The following NCOA7 variants were observed in gnomAD, a reference collection of about 807,000 sequenced individuals.
The protein encoded by NCOA7 is 140 kDa estrogen receptor-associated protein.
A neutral mutation model predicts 104.3 loss-of-function variants in NCOA7; 45 were observed. The ratio of observed to expected loss-of-function variants is 0.43; its 90% confidence interval spans 0.34 to 0.55. The LOEUF (loss-of-function observed/expected upper bound fraction) is 0.55. Among genes scored for constraint, NCOA7 ranks in the 20% least tolerant of loss-of-function variants. The pLI is 0.02. For missense variants in NCOA7, 1,041 were observed against 1,119.7 expected (o/e 0.93, Z 1.00); for synonymous variants, 398 against 402.3 (o/e 0.99, Z 0.13).
intron 1 of NCOA7, among the ~76,000 whole-genome samples, chr6:125,782,923 G>A (rs1777207): frequency 0.15 from 22,369 of 152,136 alleles, 2,556 homozygotes; most frequent in African/African-American, 0.32. Flanking sequence ...ATGGGCCCCA[G>A]TCATCACAAG....
intron 10 of NCOA7, among the ~76,000 whole-genome samples, chr6:125,906,871 T>C (rs1786058204): frequency 6.6e-6 from 1 of 152,022 alleles, no homozygotes; most frequent in African/African-American, 2.4e-5. Flanking sequence ...TTAGGTTAAA[T>C]AAACAAGGCA....
intron 12 of NCOA7, among the ~76,000 whole-genome samples, chr6:125,922,277 G>T (rs1787654413): frequency 6.6e-6 from 1 of 152,216 alleles, no homozygotes. Flanking sequence ...GTGCAAAGCT[G>T]CAGCTCTCAG....
intron 3 of NCOA7, among the ~76,000 whole-genome samples, chr6:125,871,672 C>T (rs1562951095): frequency 6.6e-6 from 1 of 152,116 alleles, no homozygotes; most frequent in Non-Finnish European, 1.5e-5. Flanking sequence ...CAGGCTTATT[C>T]ATCTGTACTG....
At chr6:125,907,729 G>A (rs978860695) in intron 10 of NCOA7, among the ~76,000 whole-genome samples, 1 of 152,080 alleles carries the variant, frequency 6.6e-6, no homozygotes, top group African/African-American at 2.4e-5. Context: ...GGGTGTTTGG[G>A]CACATTATTG....
rs150037010 is a variant in NCOA7, at chr6:125,795,285, G to C, written c.-65+4218G>C. Among the ~76,000 whole-genome samples the C allele has an allele frequency of 5.9e-3, 899 of 152,256 alleles. 7 individuals are homozygous for C. Among genetic ancestry groups the C allele is most frequent in the African/African-American group, 0.021 (858 of 41,538 alleles). ...AGAGGGGGTTTGGAGGGGGACCTAG[G>C]CAGGTTTTTACATAGAGGCATCTCA... is the stretch of plus-strand genomic sequence containing the variant. On this transcript the variant is annotated intron_variant, in intron 1 of 15. Transcript: ENST00000392477.
intron 2 of NCOA7, among the ~76,000 whole-genome samples, chr6:125,826,104 T>C (rs563399900): frequency 2.6e-5 from 4 of 152,232 alleles, no homozygotes; most frequent in African/African-American, 9.6e-5. Flanking sequence ...GGCGGGTGTA[T>C]TGCCTGACCT....
intron 2 of NCOA7, among the ~76,000 whole-genome samples, chr6:125,835,177 C>T (rs1779509650): frequency 6.6e-6 from 1 of 152,186 alleles, no homozygotes; most frequent in South Asian, 2.1e-4. Context: ...GGCACACAAT[C>T]TAATCTTAAG....
intron 2 of NCOA7, among the ~76,000 whole-genome samples, chr6:125,845,983 A>G (rs72969754): frequency 0.076 from 11,629 of 152,132 alleles, 498 homozygotes; most frequent in Non-Finnish European, 0.095. Flanking sequence ...CATATTTTAT[A>G]TTAGTACTCT....
intron 1 of NCOA7, among the ~76,000 whole-genome samples, chr6:125,813,039 T>G (rs1310164908): frequency 6.6e-6 from 1 of 152,232 alleles, no homozygotes; most frequent in Admixed American, 6.5e-5. Flanking sequence ...CACCCTGTCC[T>G]TAAATCCTCT....
At chr6:125,819,191 G>A (rs1777911789) in intron 2 of NCOA7, among the ~76,000 whole-genome samples, 1 of 151,950 alleles carries the variant, frequency 6.6e-6, no homozygotes, top group Non-Finnish European at 1.5e-5. Flanking sequence ...CATAATCGTT[G>A]TGTGACTGTG....
chr6:125,830,984 T>C (rs1430288768), intron 2 of NCOA7, among the ~76,000 whole-genome samples: 1 of 152,054 alleles, frequency 6.6e-6, no homozygotes, highest in Non-Finnish European at 1.5e-5. Context: ...TTTTCTGCCC[T>C]CCCTAGATTG....
intron 14 of NCOA7, 30 bp from the exon 15 acceptor site, chr6:125,928,140 ATGTC>A (rs1442227041): frequency 6.4e-7 from 1 of 1,551,628 alleles, no homozygotes; most frequent in Non-Finnish European, 8.9e-7. Context: ...CCAGATTAAA[ATGTC>A]TGTTTTCTTT....
rs777959779 is a variant in NCOA7 at position 125,889,051 on chromosome 6, C to T, written c.997C>T (p.Arg333Ter). Residue 333 changes from arginine (R) to a stop codon, truncating the protein, a stop_gained, in exon 9 of 16, where the codon CGA becomes TGA. Transcript: ENST00000392477. LOFTEE classifies it high-confidence loss of function. The part of the protein sequence containing the change: ...SKFKSINKEK[R>*]QQNGEKIMTS... ...GTTCAAATCTATCAACAAGGAAAAACGACAGCAGAATGGAGAGAAAATTAT... is the reference window on the plus strand; with the variant it reads ...GTTCAAATCTATCAACAAGGAAAAATGACAGCAGAATGGAGAGAAAATTAT... 6.2e-6 allele frequency: 10 copies of T among 1,614,060 alleles called. No homozygotes were observed. Among genetic ancestry groups the T allele is most frequent in the Non-Finnish European group, 8.5e-6 (10 of 1,179,960 alleles).
intron 1 of NCOA7, among the ~76,000 whole-genome samples, chr6:125,782,226 A>G (rs549795485): frequency 7.9e-5 from 12 of 152,302 alleles, no homozygotes; most frequent in Non-Finnish European, 1.3e-4. Flanking sequence ...AAAATTATAC[A>G]TGTCCTTACA....
chr6:125,928,625 A>C lies in NCOA7; in HGVS notation c.2694-11A>C. 6.4e-7 allele frequency: 1 copy of C among 1,559,916 alleles called. No individual in the cohort carries two copies. Among genetic ancestry groups the C allele is most frequent in the Non-Finnish European group, 8.6e-7 (1 of 1,161,290 alleles). On this transcript the variant is annotated splice_polypyrimidine_tract_variant and intron_variant, in intron 15 of 15. Coordinates refer to ENST00000392477, the MANE Select transcript of NCOA7 (RefSeq NM_181782.5). ...TGTTTTTACCTTTTTTTTTTTTTTT[A>C]ACCTTTTCAGGGGACGATTTGGTTT...
intron 2 of NCOA7, among the ~76,000 whole-genome samples, chr6:125,836,009 C>G (rs1240051951): frequency 2.0e-5 from 3 of 152,112 alleles, no homozygotes; most frequent in Non-Finnish European, 2.9e-5. Flanking sequence ...AAAGAACTTT[C>G]CTACTTGAGA....
chr6:125,807,799 T>C (rs1397173032), intron 1 of NCOA7, among the ~76,000 whole-genome samples: 2 of 152,160 alleles, frequency 1.3e-5, no homozygotes, highest in Admixed American at 6.5e-5. Context: ...ATTAATCTTC[T>C]CCCTCCAGGT....
upstream of NCOA7, among the ~76,000 whole-genome samples, chr6:125,790,571 C>T (rs369277338): frequency 9.0e-3 from 1,376 of 152,114 alleles, 20 homozygotes; most frequent in African/African-American, 0.031. Context: ...GCTCGGAGGT[C>T]GCGGGGGGCG....
At chr6:125,788,698 A>ATTTTTTTTTTTTTTTTTTTT (rs60048395), upstream of NCOA7, among the ~76,000 whole-genome samples, 8 of 121,884 alleles carry the variant, frequency 6.6e-5, no homozygotes, top group Non-Finnish European at 6.7e-5. Flanking sequence ...CACCCAGCTA[A>ATTTTTTTTTTTTTTTTTTTT]TTTTTTTTTT....
Sources: gnomAD v4.1 joint callset for allele counts (sites outside exome capture counted in the v4.1 genomes callset) on GRCh38, gnomAD v4.1.1 for gene constraint, MANE v1.5 for transcripts, NCBI Gene and HGNC (gene_info 2026-07-23, HGNC 2026-07-21) for gene names.